The following MERTK variants were observed in gnomAD, a reference collection of about 807,000 sequenced individuals.
The protein encoded by MERTK is MER proto-oncogene, tyrosine kinase.
Under a neutral mutation model 99.3 loss-of-function variants are expected in MERTK, and 69 were observed. That is an observed-to-expected ratio of 0.70 (90% CI 0.57 to 0.85). The LOEUF is 0.85. MERTK is among the 40% of genes least tolerant of loss of function. MERTK has a pLI of 0.00. For missense variants in MERTK, 1,125 were observed against 1,249.4 expected, an observed-to-expected ratio of 0.90 and a Z score of 1.50; for synonymous variants, 426 against 467.6, an observed-to-expected ratio of 0.91 and a Z score of 1.15.
intron 8 of MERTK, among the ~76,000 whole-genome samples, chr2:111,986,316 G>A (rs1375906686): frequency 6.6e-6 from 1 of 152,224 alleles, no homozygotes; most frequent in Non-Finnish European, 1.5e-5. Context: ...TGAGTTGCAG[G>A]AATCAAATGC....
At chr2:111,984,166 T>C (rs763609033) in intron 8 of MERTK, among the ~76,000 whole-genome samples, 10 of 151,900 alleles carry the variant, frequency 6.6e-5, no homozygotes, top group Non-Finnish European at 1.5e-4. Context: ...ATGTCTCAGC[T>C]CAAGCATTCA....
chr2:111,921,453 T>C (rs1405764234), intron 1 of MERTK, among the ~76,000 whole-genome samples: 1 of 149,090 alleles, frequency 6.7e-6, no homozygotes, highest in Non-Finnish European at 1.5e-5. Flanking sequence ...TGAGCTGAGA[T>C]CACACCACTG....
At chr2:111,970,730 C>T (rs1676092857) in intron 6 of MERTK, among the ~76,000 whole-genome samples, 1 of 120,336 alleles carries the variant, frequency 8.3e-6, no homozygotes, top group Admixed American at 8.5e-5. Flanking sequence ...CTTGTCCTTC[C>T]TCCCCCTACT....
chr2:111,923,640 T>A (rs1026396949), intron 1 of MERTK, among the ~76,000 whole-genome samples: 1 of 152,164 alleles, frequency 6.6e-6, no homozygotes, highest in African/African-American at 2.4e-5. Context: ...AAGGTGGAGA[T>A]TTCTTGTGAA....
intron 1 of MERTK, among the ~76,000 whole-genome samples, chr2:111,927,121 A>G (rs780346691): frequency 2.6e-5 from 4 of 152,214 alleles, no homozygotes; most frequent in Non-Finnish European, 5.9e-5. Context: ...CAGGATAAGG[A>G]AAAGTCTTCC....
Position 111,969,157 on chromosome 2 carries a change from A to G in MERTK, c.960+905A>G, listed in dbSNP as rs116565683. Among the ~76,000 whole-genome samples, 983 of 152,326 alleles carry G rather than the reference A, an allele frequency of 6.5e-3. 13 individuals are homozygous for G. Among genetic ancestry groups the G allele is most frequent in the African/African-American group, 0.023 (947 of 41,568 alleles). On this transcript the variant is annotated intron_variant, in intron 6 of 18. Transcript: ENST00000295408. ...TTGAGTTTTCACTTCATAAAAATGA[A>G]AATGGTGGCAGTAACAACTGTTTAC...
At chr2:112,026,953 A>G (rs1035836332) in intron 18 of MERTK, among the ~76,000 whole-genome samples, 4 of 151,148 alleles carry the variant, frequency 2.6e-5, no homozygotes, top group Non-Finnish European at 5.9e-5. Flanking sequence ...TTTTTGTCCA[A>G]TGACGTATGA....
Position 112,019,503 on chromosome 2 carries a change from T to TA in MERTK, c.2170_2171insA (p.Leu724TyrfsTer11). ...CAACAGGAATTTTCTTCATCGAGAT[T>TA]TAGCTGCTCGAAACTGCATGTAAGA... On this transcript the variant is annotated frameshift_variant, in exon 16 of 19. Transcript: ENST00000295408. LOFTEE classifies it high-confidence loss of function. The TA allele has an allele frequency of 6.2e-7, 1 of 1,613,134 alleles. No homozygotes were observed. Among genetic ancestry groups the TA allele is most frequent in the East Asian group, 2.2e-5 (1 of 44,884 alleles).
At chr2:111,993,589 C>G (rs1186337632) in intron 8 of MERTK, among the ~76,000 whole-genome samples, 1 of 152,144 alleles carries the variant, frequency 6.6e-6, no homozygotes, top group Non-Finnish European at 1.5e-5. Flanking sequence ...CGCCAGAGAA[C>G]ATTATGATTA....
chr2:111,999,103 C>A (rs1028019309), intron 10 of MERTK, among the ~76,000 whole-genome samples: 1 of 152,116 alleles, frequency 6.6e-6, no homozygotes, highest in African/African-American at 2.4e-5. Context: ...TGGCATACGT[C>A]TTTCCAAGTG....
intron 14 of MERTK, 147 bp downstream of exon 14, chr2:112,008,622 T>TCA (rs1677035928): frequency 1.3e-6 from 1 of 759,222 alleles, no homozygotes; most frequent in Admixed American, 1.8e-5. Flanking sequence ...CCCAGACTTT[T>TCA]CTTCATAATG....
intron 13 of MERTK, among the ~76,000 whole-genome samples, chr2:112,005,240 T>G (rs935017431): frequency 3.3e-5 from 5 of 152,124 alleles, no homozygotes; most frequent in Non-Finnish European, 2.9e-5. Context: ...GCTAAATTTT[T>G]GAATTTTTAG....
chr2:111,931,394 A>C (rs545942542), intron 2 of MERTK, among the ~76,000 whole-genome samples: 9 of 152,338 alleles, frequency 5.9e-5, no homozygotes, highest in African/African-American at 1.4e-4. Context: ...TCTTACAATT[A>C]CATAGACATA....
At chr2:111,943,354 C>T (rs908787024) in intron 2 of MERTK, among the ~76,000 whole-genome samples, 1 of 152,062 alleles carries the variant, frequency 6.6e-6, no homozygotes, top group Non-Finnish European at 1.5e-5. Flanking sequence ...TAAAGAAATC[C>T]TCTGGAGAGC....
At chr2:111,979,686 T>G (rs951614316) in intron 7 of MERTK, among the ~76,000 whole-genome samples, 1 of 152,200 alleles carries the variant, frequency 6.6e-6, no homozygotes, top group Non-Finnish European at 1.5e-5. Flanking sequence ...GAGATTTACT[T>G]GATTTATCTT....
intron 7 of MERTK, among the ~76,000 whole-genome samples, chr2:111,978,320 T>A (rs1255010458): frequency 6.6e-6 from 1 of 152,132 alleles, no homozygotes; most frequent in Non-Finnish European, 1.5e-5. Flanking sequence ...CAGCTAATTT[T>A]GTATTTTTAG....
At chr2:111,927,954 T>G (rs1375953474) in intron 1 of MERTK, among the ~76,000 whole-genome samples, 1 of 152,134 alleles carries the variant, frequency 6.6e-6, no homozygotes, top group Non-Finnish European at 1.5e-5. Flanking sequence ...CCAACGTATT[T>G]GAATAGATAA....
chr2:111,983,018 C>T lies in MERTK; in HGVS notation c.1296+25C>T, dbSNP rs544290537. Reference sequence around the variant, plus strand: ...CGTAAGTCTAAACCCTAGAAGAGCACGATTAGTCATCTCCTTTCAACTTGC... The same window carrying T: ...CGTAAGTCTAAACCCTAGAAGAGCATGATTAGTCATCTCCTTTCAACTTGC... On this transcript the variant is annotated intron_variant, in intron 8 of 18. Coordinates refer to ENST00000295408, the MANE Select transcript of MERTK (RefSeq NM_006343.3). The T allele has an allele frequency of 7.8e-5, 124 of 1,594,958 alleles. No homozygotes were observed. The East Asian group carries it at 1.0e-3, about 13-fold the overall frequency.
At chr2:111,915,533 G>A (rs1446563639) in intron 1 of MERTK, among the ~76,000 whole-genome samples, 2 of 151,744 alleles carry the variant, frequency 1.3e-5, no homozygotes, top group African/African-American at 2.4e-5. Context: ...ATTTTGACAT[G>A]TTGCGTTTTT....
Sources: allele counts gnomAD v4.1 joint callset (sites outside exome capture counted in the v4.1 genomes callset), GRCh38; gene constraint gnomAD v4.1.1; transcripts MANE v1.5; gene names NCBI Gene and HGNC (gene_info 2026-07-23, HGNC 2026-07-21).